Variants in ADARB2 observed in about 807,000 individuals in gnomAD.
ADARB2 encodes the protein adenosine deaminase RNA specific B2 (inactive).
Under a neutral mutation model 62.2 loss-of-function variants are expected in ADARB2, and 25 were observed. That is an observed-to-expected ratio of 0.40 (90% CI 0.29 to 0.56). The LOEUF is 0.56. Among genes scored for constraint, ADARB2 ranks in the 20% least tolerant of loss-of-function variants. The pLI, the probability that ADARB2 is intolerant of heterozygous loss-of-function variation, is 0.43. For synonymous variants in ADARB2, 572 were observed against 500.8 expected (o/e 1.14, Z -1.90); for missense variants, 1,071 against 1,077.4 (o/e 0.99, Z 0.08).
At chr10:1,702,589 C>A (rs755802759) in intron 1 of ADARB2, among the ~76,000 whole-genome samples, 13 of 152,340 alleles carry the variant, frequency 8.5e-5, no homozygotes, top group Non-Finnish European at 2.9e-5. Flanking sequence ...GGCTGCTAAT[C>A]CACAAAAGTC....
intron 1 of ADARB2, among the ~76,000 whole-genome samples, chr10:1,577,212 G>A (rs1175255884): frequency 1.4e-5 from 2 of 143,556 alleles, no homozygotes; most frequent in Non-Finnish European, 3.1e-5. Flanking sequence ...GGTGGTGGGT[G>A]GAAAGAAGCT....
chr10:1,647,366 CGT>C (rs1244564047), intron 1 of ADARB2, among the ~76,000 whole-genome samples: 12 of 151,788 alleles, frequency 7.9e-5, no homozygotes, highest in Non-Finnish European at 1.0e-4. Flanking sequence ...TGTGTGCACA[CGT>C]GTGTCTATAT....
chr10:1,269,248 C>T (rs930479653), intron 4 of ADARB2, among the ~76,000 whole-genome samples: 1 of 152,130 alleles, frequency 6.6e-6, no homozygotes, highest in African/African-American at 2.4e-5. Context: ...TTTATATGGA[C>T]CAGCAACCCT....
chr10:1,453,153 G>A (rs551402954), intron 1 of ADARB2, among the ~76,000 whole-genome samples: 1 of 152,270 alleles, frequency 6.6e-6, no homozygotes, highest in East Asian at 1.9e-4. Flanking sequence ...TGAAGGAGTT[G>A]TATCAGCAAG....
At chr10:1,617,093 GTT>G (rs1833647609) in intron 1 of ADARB2, among the ~76,000 whole-genome samples, 1 of 126,398 alleles carries the variant, frequency 7.9e-6, no homozygotes, top group Non-Finnish European at 1.8e-5. Flanking sequence ...GTCGCTAGAT[GTT>G]TGTGTGCCCG....
At chr10:1,676,606 C>T (rs960260970) in intron 1 of ADARB2, among the ~76,000 whole-genome samples, 3 of 152,100 alleles carry the variant, frequency 2.0e-5, no homozygotes, top group African/African-American at 4.8e-5. Context: ...ATCCTCCTAC[C>T]TCGGCCTCTG....
intron 6 of ADARB2, 133 bp downstream of exon 6, chr10:1,233,561 T>G (rs4880801): frequency 0.77 from 721,331 of 941,770 alleles, 279,195 homozygotes; most frequent in East Asian, 0.99. Flanking sequence ...AATTGTAGAC[T>G]CAATCCCCTT....
intron 1 of ADARB2, among the ~76,000 whole-genome samples, chr10:1,528,735 A>C (rs1347360684): frequency 2.0e-5 from 3 of 152,220 alleles, no homozygotes; most frequent in Admixed American, 6.5e-5. Context: ...AGATGCTGTC[A>C]TGTTTGGTCA....
chr10:1,267,152 A>C (rs1831212742), intron 4 of ADARB2, among the ~76,000 whole-genome samples: 2 of 150,256 alleles, frequency 1.3e-5, no homozygotes, highest in East Asian at 1.9e-4. Context: ...AAAAAAAAAA[A>C]CCTTTCCCCC....
intron 1 of ADARB2, among the ~76,000 whole-genome samples, chr10:1,658,162 GTCTC>G (rs149537954): frequency 6.7e-6 from 1 of 148,158 alleles, no homozygotes; most frequent in African/African-American, 2.5e-5. Flanking sequence ...TATTCTCCCT[GTCTC>G]TCTCTGTGTC....
chr10:1,544,437 T>C (rs1832488285), intron 1 of ADARB2, among the ~76,000 whole-genome samples: 1 of 152,336 alleles, frequency 6.6e-6, no homozygotes, highest in Admixed American at 6.5e-5. Context: ...TGGGGGTCTG[T>C]GGCTTTTCAC....
intron 6 of ADARB2, among the ~76,000 whole-genome samples, chr10:1,221,371 G>A (rs1830693504): frequency 6.7e-6 from 1 of 150,370 alleles, no homozygotes; most frequent in African/African-American, 2.4e-5. Flanking sequence ...CAATATCAAG[G>A]TAAATAAGGA....
intron 1 of ADARB2, among the ~76,000 whole-genome samples, chr10:1,720,796 G>C (rs1835081607): frequency 6.6e-6 from 1 of 152,148 alleles, no homozygotes; most frequent in Non-Finnish European, 1.5e-5. Flanking sequence ...AAATTTGGGG[G>C]CAGCAACTAA....
intron 3 of ADARB2, among the ~76,000 whole-genome samples, chr10:1,333,771 T>C (rs1291818928): frequency 2.0e-5 from 3 of 152,084 alleles, no homozygotes; most frequent in Non-Finnish European, 4.4e-5. Flanking sequence ...AGAGGAGCCG[T>C]CTGAGGTGGG....
intron 1 of ADARB2, among the ~76,000 whole-genome samples, chr10:1,479,072 G>A (rs762649294): frequency 3.3e-5 from 5 of 152,180 alleles, no homozygotes; most frequent in Non-Finnish European, 5.9e-5. Flanking sequence ...CTTGGGCAGG[G>A]GCAGCATAGG....
intron 1 of ADARB2, among the ~76,000 whole-genome samples, chr10:1,429,062 T>A (rs999448922): frequency 3.3e-5 from 5 of 151,976 alleles, no homozygotes; most frequent in Non-Finnish European, 7.4e-5. Context: ...CTGAATAAGG[T>A]GGGTGGAGGG....
At chr10:1,536,344 G>T (rs974025901) in intron 1 of ADARB2, among the ~76,000 whole-genome samples, 50 of 152,216 alleles carry the variant, frequency 3.3e-4, no homozygotes, top group Non-Finnish European at 1.3e-4. Flanking sequence ...CTTGGTCTTT[G>T]GTTTCCAGCC....
chr10:1,348,897 G>A (rs764220298), intron 3 of ADARB2, among the ~76,000 whole-genome samples: 14 of 152,162 alleles, frequency 9.2e-5, no homozygotes, highest in South Asian at 2.1e-4. Flanking sequence ...AAGCGACAGC[G>A]GCCCAGGAAG....
chr10:1,710,078 C>T (rs922095594), intron 1 of ADARB2, among the ~76,000 whole-genome samples: 3 of 152,200 alleles, frequency 2.0e-5, no homozygotes, highest in Non-Finnish European at 2.9e-5. Flanking sequence ...TAAACTTCCA[C>T]GCCTCAAAAC....
Sources: allele counts gnomAD v4.1 joint callset (sites outside exome capture counted in the v4.1 genomes callset), GRCh38; gene constraint gnomAD v4.1.1; transcripts MANE v1.5; gene names NCBI Gene and HGNC (gene_info 2026-07-23, HGNC 2026-07-21).